The following ATRNL1 variants were observed in gnomAD, a reference collection of about 807,000 sequenced individuals.
The protein encoded by ATRNL1 is attractin-like protein 1.
In ATRNL1, 95 loss-of-function variants were observed where a neutral mutation model predicts 182.7. The ratio of observed to expected loss-of-function variants is 0.52; its 90% CI spans 0.44 to 0.62. ATRNL1 has a LOEUF of 0.62. ATRNL1 is among the 20% of genes least tolerant of loss of function. The pLI is 0.00. For synonymous variants in ATRNL1, 576 were observed against 568.3 expected (o/e 1.01, Z -0.19); for missense variants, 1,471 against 1,679.5 (o/e 0.88, Z 2.17).
At chr10:115,535,856 AGTTTGCTAGAGGTCCACTCC>A (rs1851954481) in intron 25 of ATRNL1, among the ~76,000 whole-genome samples, 9 of 151,938 alleles carry the variant, frequency 5.9e-5, no homozygotes, top group African/African-American at 2.2e-4. Context: ...GGTCTGTTGG[AGTTTGCTAGAGGTCCACTCC>A]AGACCCTGTT....
intron 26 of ATRNL1, among the ~76,000 whole-genome samples, chr10:115,567,926 A>G (rs576161313): frequency 3.9e-5 from 6 of 152,070 alleles, no homozygotes; most frequent in Non-Finnish European, 8.8e-5. Flanking sequence ...TTGCTACCTG[A>G]TGAGTGAAAT....
chr10:115,245,851 C>G (rs1421190052), intron 10 of ATRNL1, among the ~76,000 whole-genome samples: 4 of 152,066 alleles, frequency 2.6e-5, no homozygotes, highest in Non-Finnish European at 4.4e-5. Flanking sequence ...TACCACTTAC[C>G]TGGCCATCTG....
At chr10:115,284,590 G>A (rs1250891820) in intron 14 of ATRNL1, among the ~76,000 whole-genome samples, 1 of 152,170 alleles carries the variant, frequency 6.6e-6, no homozygotes, top group Non-Finnish European at 1.5e-5. Flanking sequence ...AGCAGCAACC[G>A]TGAACGAACA....
intron 19 of ATRNL1, among the ~76,000 whole-genome samples, chr10:115,365,524 A>T (rs374859978): frequency 6.6e-6 from 1 of 151,936 alleles, no homozygotes; most frequent in Non-Finnish European, 1.5e-5. Flanking sequence ...ATTTCCTTCA[A>T]TTCTGCTCTG....
rs1554971695 is a variant in ATRNL1 at position 115,469,446 on chromosome 10, C to G, written c.3654+117C>G. 3 of 569,970 alleles carry G rather than the reference C, an allele frequency of 5.3e-6. No individual in the cohort carries two copies. The East Asian group carries it at 9.9e-5, about 19-fold the overall frequency. The allele number at this position is 569,970 out of a possible 1,614,324, so 35.3% of individuals were successfully genotyped here. A position where few individuals can be genotyped will look rare whatever the true frequency, so the allele number is the denominator to read the frequency against. The stretch of plus-strand genomic sequence containing the variant: ...CTGACTTGACTAATACAAAAACATG[C>G]ATTGACCTTTGATAAATAAAGGTCT... On this transcript the variant is annotated intron_variant, in intron 24 of 28. Coordinates refer to ENST00000355044, the MANE Select transcript of ATRNL1 (RefSeq NM_207303.4).
At chr10:115,828,349 A>AAC (rs1208229889) in intron 27 of ATRNL1, among the ~76,000 whole-genome samples, 2 of 151,694 alleles carry the variant, frequency 1.3e-5, no homozygotes, top group Non-Finnish European at 2.9e-5. Context: ...AAAGAAAAGA[A>AAC]ACACCAAGCC....
At chr10:115,798,830 CT>C (rs66936998) in intron 27 of ATRNL1, among the ~76,000 whole-genome samples, 71,955 of 109,964 alleles carry the variant, frequency 0.65, 20,904 homozygotes, top group Middle Eastern at 0.73. Flanking sequence ...TTTCTTTTTT[CT>C]TTTTTTTTTT....
At chr10:115,340,726 G>T (rs1855715704) in intron 19 of ATRNL1, among the ~76,000 whole-genome samples, 1 of 150,678 alleles carries the variant, frequency 6.6e-6, no homozygotes, top group South Asian at 2.1e-4. Context: ...GTCTGTTCAG[G>T]TTTTGGATTT....
intron 28 of ATRNL1, among the ~76,000 whole-genome samples, chr10:115,896,850 T>C (rs1952220326): frequency 6.6e-6 from 1 of 152,128 alleles, no homozygotes; most frequent in Non-Finnish European, 1.5e-5. Context: ...TAGTGTACTA[T>C]AAAAAGGCAT....
At chr10:115,155,818 G>T (rs1035548410) in intron 5 of ATRNL1, among the ~76,000 whole-genome samples, 1 of 152,152 alleles carries the variant, frequency 6.6e-6, no homozygotes, top group South Asian at 2.1e-4. Context: ...ATAGGAAAGG[G>T]ATAAGTATGG....
rs1554885377 is a variant in ATRNL1, at chr10:115,171,017, A to G, written c.1093-20A>G. ...ATATAACATTATTTTATCTATTAAT[A>G]TATGTATTTTAATTTACAGGAAAAC... On this transcript the variant is annotated intron_variant, in intron 7 of 28. Transcript: ENST00000355044. The G allele has an allele frequency of 1.5e-6, 2 of 1,379,014 alleles. No individual in the cohort carries two copies. The highest frequency in any genetic ancestry group is 1.9e-4 in the Middle Eastern group (1 of 5,136). The allele number at this position is 1,379,014 out of a possible 1,614,324, so 85.4% of individuals were successfully genotyped here. A position where few individuals can be genotyped will look rare whatever the true frequency, so the allele number is the denominator to read the frequency against.
chr10:115,179,101 G>T (rs1847648093), intron 8 of ATRNL1, among the ~76,000 whole-genome samples: 1 of 151,998 alleles, frequency 6.6e-6, no homozygotes, highest in Non-Finnish European at 1.5e-5. Context: ...TCTGTTTCTT[G>T]ACTTTGTTTT....
At position 115,547,605 on chromosome 10, in the gene ATRNL1, A is replaced by G. The variant is rs547160589; in HGVS notation, c.3717-1853A>G. 5.3e-3 allele frequency among the ~76,000 whole-genome samples: 813 copies of G among 152,306 alleles called. 2 individuals are homozygous for G. Among genetic ancestry groups the G allele is most frequent in the Middle Eastern group, 0.01 (3 of 294 alleles). On this transcript the variant is annotated intron_variant, in intron 25 of 28. Transcript: ENST00000355044. Reference sequence around the variant, plus strand: ...GCACAATTGCATGAAGTGAATTTTAAGGAATATCCGTAATTTAAAAGAGGG... The same window carrying G: ...GCACAATTGCATGAAGTGAATTTTAGGGAATATCCGTAATTTAAAAGAGGG...
At chr10:115,928,595 AT>A (rs1953304622) in intron 28 of ATRNL1, among the ~76,000 whole-genome samples, 1 of 151,970 alleles carries the variant, frequency 6.6e-6, no homozygotes, top group Admixed American at 6.6e-5. Flanking sequence ...TTGTCTATTG[AT>A]TAGTTAATTA....
intron 5 of ATRNL1, among the ~76,000 whole-genome samples, chr10:115,139,453 A>G (rs1000626221): frequency 1.3e-4 from 20 of 152,232 alleles, no homozygotes; most frequent in Non-Finnish European, 2.9e-4. Context: ...CCTCACAATC[A>G]TGGTGGAAGG....
chr10:115,328,281 A>C (rs1258582175), intron 18 of ATRNL1, among the ~76,000 whole-genome samples: 3 of 152,150 alleles, frequency 2.0e-5, no homozygotes, highest in Non-Finnish European at 4.4e-5. Context: ...ATTTCATCAC[A>C]AAATTGTCAC....
Position 115,215,804 on chromosome 10 carries a change from G to C in ATRNL1, c.1456G>C (p.Gly486Arg), listed in dbSNP as rs782206932. ...EITKSIYVHG[G>R]YKALPGNKYG... ...AACAAAGTCCATTTATGTTCATGGA[G>C]GGTATAAAGCATTGCCAGGGAACAA... is the stretch of plus-strand genomic sequence containing the variant. The change falls in exon 9 of 29, where the codon GGG becomes CGG. Residue 486 changes from glycine (G) to arginine (R), a missense_variant. Gly to Arg is a moderately radical substitution (Grantham distance 125). Transcript: ENST00000355044. The C allele has an allele frequency of 6.2e-7, 1 of 1,608,628 alleles. No homozygotes were observed. The highest frequency in any genetic ancestry group is 1.3e-5 in the African/African-American group (1 of 74,752).
chr10:115,684,890 T>A (rs536563640), intron 26 of ATRNL1, among the ~76,000 whole-genome samples: 2 of 151,872 alleles, frequency 1.3e-5, no homozygotes, highest in East Asian at 3.9e-4. Flanking sequence ...CCTCCTCATT[T>A]TTATGTTAAT....
At chr10:115,147,301 C>T (rs1554879615) in intron 5 of ATRNL1, among the ~76,000 whole-genome samples, 4 of 152,040 alleles carry the variant, frequency 2.6e-5, no homozygotes, top group Non-Finnish European at 5.9e-5. Flanking sequence ...GATCTTTGCT[C>T]ACTTTTAAAT....
Sources: gnomAD v4.1 joint callset for allele counts (sites outside exome capture counted in the v4.1 genomes callset) on GRCh38, gnomAD v4.1.1 for gene constraint, MANE v1.5 for transcripts, NCBI Gene and HGNC (gene_info 2026-07-23, HGNC 2026-07-21) for gene names.